Variants in LOXHD1 observed in about 807,000 individuals in gnomAD.
LOXHD1 encodes the protein lipoxygenase homology domain-containing protein 1.
In LOXHD1, 205 loss-of-function variants were observed where a neutral mutation model predicts 248.2. The ratio of observed to expected loss-of-function variants is 0.83; its 90% CI spans 0.74 to 0.93. The LOEUF (loss-of-function observed/expected upper bound fraction) is 0.93, where lower values mean the gene tolerates loss of function less well. Among genes scored for constraint, LOXHD1 ranks in the 40% least tolerant of loss-of-function variants. The pLI, the probability that LOXHD1 is intolerant of heterozygous loss-of-function variation, is 0.00. For synonymous variants in LOXHD1, 1,113 were observed against 1,162.8 expected, an observed-to-expected ratio of 0.96 and a Z score of 0.87; for missense variants, 2,930 against 2,971.6, an observed-to-expected ratio of 0.99 and a Z score of 0.33.
Position 46,652,755 on chromosome 18 carries a change from C to G in LOXHD1, c.131-3486G>C, listed in dbSNP as rs147277731. On this transcript the variant is annotated intron_variant, in intron 1 of 40. Transcript: ENST00000642948. ...AGCTTGACTTGTAATAGCAAAAAAA[C>G]AAAAACAAAACCCCAGAAATAACCC... Among the ~76,000 whole-genome samples, 28 of 152,182 alleles carry G rather than the reference C, an allele frequency of 1.8e-4. No individual in the cohort carries two copies. The East Asian group carries it at 4.4e-3, about 24-fold the overall frequency.
At chr18:46,533,919 A>C (rs1295749186) in intron 27 of LOXHD1, among the ~76,000 whole-genome samples, 1 of 152,226 alleles carries the variant, frequency 6.6e-6, no homozygotes, top group Admixed American at 6.5e-5. Flanking sequence ...AAAATAAAAT[A>C]AAATAAAATT....
At chr18:46,567,961 C>CAGCTGCTGCCCAAAATCCTTTAGT (rs2037677148) in intron 16 of LOXHD1, among the ~76,000 whole-genome samples, 2 of 152,210 alleles carry the variant, frequency 1.3e-5, no homozygotes, top group African/African-American at 2.4e-5. Flanking sequence ...ACTTACCCGC[C>CAGCTGCTGCCCAAAATCCTTTAGT]AGCTGCTGCC....
chr18:46,573,629 T>C (rs2037798918), intron 14 of LOXHD1, among the ~76,000 whole-genome samples: 1 of 152,150 alleles, frequency 6.6e-6, no homozygotes, highest in South Asian at 2.1e-4. Context: ...CTCCCTGGCA[T>C]GGAGTTCAGG....
In LOXHD1 at chr18:46,579,724, T is replaced by C. The variant is rs2037927383; in HGVS notation, c.1715A>G (p.Asn572Ser). 1 of 1,551,790 alleles carries C rather than the reference T, an allele frequency of 6.4e-7. No individual in the cohort carries two copies. Among genetic ancestry groups the C allele is most frequent in the Non-Finnish European group, 8.7e-7 (1 of 1,147,004 alleles). Residue 572 changes from asparagine to serine, a missense_variant, in exon 13 of 41, where the codon AAC (asparagine) becomes AGC (serine). Coordinates refer to ENST00000642948, the MANE Select transcript of LOXHD1 (RefSeq NM_001384474.1). ...GELEGAGTDA[N>S]VYLCLFGDVG... ...ATCACCAAAAAGGCAGAGATAGACG[T>C]TGGCATCGGTCCCAGCACCTTCAAG...
chr18:46,562,997 C>A, intron 18 of LOXHD1, 68 bp downstream of exon 18: 1 of 1,482,950 alleles, frequency 6.7e-7, no homozygotes, highest in South Asian at 1.3e-5. Context: ...GAAATTAGTA[C>A]ACCCAGGGAA....
Position 46,572,071 on chromosome 18 carries a change from A to T in LOXHD1, c.2047+15T>A, listed in dbSNP as rs1048096626. 27 of 1,551,128 alleles carry T rather than the reference A, an allele frequency of 1.7e-5. No individual in the cohort carries two copies. The highest frequency in any genetic ancestry group is 2.0e-5 in the Non-Finnish European group (23 of 1,146,524). On this transcript the variant is annotated intron_variant, in intron 15 of 40. Coordinates refer to ENST00000642948, the MANE Select transcript of LOXHD1 (RefSeq NM_001384474.1). ...CCAAGGGCACACCCAGCACCTGGTC[A>T]TCAGGACAACTCACTCTTCAGTGTC...
intron 14 of LOXHD1, among the ~76,000 whole-genome samples, chr18:46,574,735 T>C (rs994024732): frequency 6.6e-6 from 1 of 152,124 alleles, no homozygotes; most frequent in Admixed American, 6.5e-5. Flanking sequence ...CACCACTGTG[T>C]CTTTAATGGG....
intron 16 of LOXHD1, 34 bp downstream of exon 16, chr18:46,569,408 G>T (rs773555757): frequency 6.5e-7 from 1 of 1,531,582 alleles, no homozygotes; most frequent in Non-Finnish European, 8.8e-7. Flanking sequence ...AAATGGGTGG[G>T]ATGATGTCAC....
intron 36 of LOXHD1, among the ~76,000 whole-genome samples, chr18:46,506,751 A>C (rs1240861685): frequency 6.6e-6 from 1 of 152,224 alleles, no homozygotes; most frequent in Non-Finnish European, 1.5e-5. Flanking sequence ...TGAGAGCTTC[A>C]TTTATCTGGC....
chr18:46,610,357 A>C (rs1308041602), intron 6 of LOXHD1, among the ~76,000 whole-genome samples: 1 of 150,012 alleles, frequency 6.7e-6, no homozygotes, highest in Admixed American at 6.7e-5. Flanking sequence ...CAATGAGAAC[A>C]CTTGGACACA....
chr18:46,524,997 T>A (rs2035763653), intron 29 of LOXHD1, 80 bp from the exon 30 acceptor site: 8 of 1,467,560 alleles, frequency 5.5e-6, no homozygotes, highest in Non-Finnish European at 7.4e-6. Flanking sequence ...TCTGGGACCT[T>A]CCTTCCCCCT....
rs1443097707 is a variant in LOXHD1, at chr18:46,559,188, C to T, written c.3216+260G>A. ...TCCCTACCAAGTGCCTCAGCATCTG[C>T]CACTCAACGCCATTCTCTGTTTGTT... On this transcript the variant is annotated intron_variant, in intron 20 of 40. Coordinates refer to ENST00000642948, the MANE Select transcript of LOXHD1 (RefSeq NM_001384474.1). 3.2e-5 allele frequency: 47 copies of T among 1,449,548 alleles called. No homozygotes were observed. The Middle Eastern group carries it at 5.4e-4, about 17-fold the overall frequency. 89.8% of individuals were successfully genotyped at this position (1,449,548 alleles called of 1,614,324 possible).
chr18:46,500,511 A>C (rs560338379), intron 37 of LOXHD1, among the ~76,000 whole-genome samples: 31 of 152,260 alleles, frequency 2.0e-4, no homozygotes, highest in African/African-American at 6.3e-4. Context: ...GCTGCAAGAC[A>C]TTCTCCCACC....
intron 39 of LOXHD1, among the ~76,000 whole-genome samples, chr18:46,484,385 C>T (rs2032860706): frequency 6.6e-6 from 1 of 152,032 alleles, no homozygotes; most frequent in African/African-American, 2.4e-5. Flanking sequence ...GAGCTGAGCC[C>T]TCATGAATGA....
chr18:46,503,376 A>G (rs2034356982), intron 37 of LOXHD1, among the ~76,000 whole-genome samples: 1 of 152,176 alleles, frequency 6.6e-6, no homozygotes, highest in African/African-American at 2.4e-5. Context: ...TGATCTGTCA[A>G]ATCCCTCTAA....
At chr18:46,501,775 C>A (rs915086497) in intron 37 of LOXHD1, among the ~76,000 whole-genome samples, 4 of 152,158 alleles carry the variant, frequency 2.6e-5, no homozygotes, top group Admixed American at 6.5e-5. Context: ...TGAGAGCCAG[C>A]TGTAATTGAT....
intron 37 of LOXHD1, among the ~76,000 whole-genome samples, chr18:46,493,124 T>C (rs2033602317): frequency 6.6e-6 from 1 of 152,242 alleles, no homozygotes; most frequent in African/African-American, 2.4e-5. Flanking sequence ...CTGTTCCAAC[T>C]ACACTGGCCT....
intron 35 of LOXHD1, 45 bp downstream of exon 35, chr18:46,509,653 G>A: frequency 7.3e-7 from 1 of 1,366,268 alleles, no homozygotes; most frequent in Non-Finnish European, 1.0e-6. Context: ...CAGGGGAAGG[G>A]GTGGGTGGTG....
chr18:46,533,462 C>A, intron 27 of LOXHD1, 138 bp from the exon 28 acceptor site: 1 of 821,232 alleles, frequency 1.2e-6, no homozygotes, highest in South Asian at 1.9e-5. Context: ...CACAGGAGAG[C>A]CCCTTGCCCC....
Sources: allele counts gnomAD v4.1 joint callset (sites outside exome capture counted in the v4.1 genomes callset), GRCh38; gene constraint gnomAD v4.1.1; transcripts MANE v1.5; gene names NCBI Gene and HGNC (gene_info 2026-07-23, HGNC 2026-07-21).